The following KLHL33 variants were observed in gnomAD, a reference collection of about 807,000 sequenced individuals.
KLHL33 encodes the protein kelch like family member 33.
Under a neutral mutation model 60.8 loss-of-function variants are expected in KLHL33, and 46 were observed. The observed-to-expected ratio is 0.76, with a 90% CI of 0.60 to 0.97. KLHL33 has a LOEUF of 0.97. Ranked by LOEUF, KLHL33 falls within the 50% of genes least tolerant of loss-of-function variation. The pLI is 0.00. For synonymous variants in KLHL33, 434 were observed against 432.2 expected (o/e 1.00, Z -0.05); for missense variants, 1,055 against 1,000.0 (o/e 1.05, Z -0.74).
At chr14:20,432,986 G>GAAAGAAAGAAAGAAAGAAAGAA (rs1208142467) in intron 2 of KLHL33, among the ~76,000 whole-genome samples, 1 of 151,622 alleles carries the variant, frequency 6.6e-6, no homozygotes, top group Non-Finnish European at 1.5e-5. Flanking sequence ...AAGAAAGAAA[G>GAAAGAAAGAAAGAAAGAAAGAA]AGAGAAATTA....
rs565859378 is a variant in KLHL33 at position 20,429,939 on chromosome 14, C to T, written c.1529G>A (p.Arg510Gln). The T allele has an allele frequency of 4.6e-5, 72 of 1,551,724 alleles. No homozygotes were observed. The East Asian group carries it at 5.6e-4, about 12-fold the overall frequency. The change falls in exon 3 of 5, where the codon CGA (arginine) becomes CAA (glutamine). Residue 510 changes from arginine to glutamine, a missense_variant. Coordinates refer to ENST00000636854, the MANE Select transcript of KLHL33 (RefSeq NM_001365790.2). ...RAFRCGVGLV[R>Q]TVEWGQLPAL... is the part of the protein sequence containing the mutation. ...AGGCAGCTGCCCCCACTCAACAGTT[C>T]GTACCAGTCCCACGCCACAGCGGAA... is the stretch of plus-strand genomic sequence containing the variant.
At position 20,435,447 on chromosome 14, in the gene KLHL33, C is replaced by T. The variant is rs995953672; in HGVS notation, c.365G>A (p.Arg122Gln). The stretch of plus-strand genomic sequence containing the variant: ...GATCACCCGATGCACCCCGTATACC[C>T]GCCCCGCGACTGACACCTCTTCGTC... ...LLDEEVSVAG[R>Q]VYGVHRVILA... is the part of the protein sequence containing the mutation. The change falls in exon 2 of 5, where the codon CGG (arginine) becomes CAG (glutamine). Residue 122 changes from arginine to glutamine, a missense_variant. Coordinates refer to ENST00000636854, the MANE Select transcript of KLHL33 (RefSeq NM_001365790.2). The T allele has an allele frequency of 3.2e-6, 4 of 1,234,340 alleles. No individual in the cohort carries two copies. Among genetic ancestry groups the T allele is most frequent in the Non-Finnish European group, 4.0e-6 (4 of 988,224 alleles). 76.5% of individuals were successfully genotyped at this position (1,234,340 alleles called of 1,614,324 possible). A position where few individuals can be genotyped will look rare whatever the true frequency, so the allele number is the denominator to read the frequency against.
At position 20,435,262 on chromosome 14, in the gene KLHL33, C is replaced by A. The variant is rs1880648945; in HGVS notation, c.550G>T (p.Ala184Ser). The A allele has an allele frequency of 3.2e-6, 4 of 1,234,426 alleles. No individual in the cohort carries two copies. The highest frequency in any genetic ancestry group is 2.1e-4 in the Middle Eastern group (1 of 4,836). The allele number at this position is 1,234,426 out of a possible 1,614,324, so 76.5% of individuals were successfully genotyped here. ...CGGGGCGCTCCCAGCGCCTCTGCTGCGGCCAGCACATCCCCCTGCGAGGCG... is the reference window on the plus strand; with the variant it reads ...CGGGGCGCTCCCAGCGCCTCTGCTGAGGCCAGCACATCCCCCTGCGAGGCG... ...GPASQGDVLA[A>S]AEALGAPRVK... Residue 184 changes from alanine to serine, a missense_variant, in exon 2 of 5, where the codon GCA (alanine) becomes TCA (serine). By Grantham distance (99) the Ala-to-Ser change is moderately conservative (BLOSUM62 1). Coordinates refer to ENST00000636854, the MANE Select transcript of KLHL33 (RefSeq NM_001365790.2).
intron 1 of KLHL33, 70 bp downstream of exon 1, chr14:20,436,029 C>G (rs1880685058): frequency 1.6e-5 from 6 of 386,518 alleles, no homozygotes; most frequent in Non-Finnish European, 2.3e-5. Flanking sequence ...GTGAAACATG[C>G]AAGAAGCCCT....
chr14:20,431,048 C>G (rs1361260372), intron 2 of KLHL33, among the ~76,000 whole-genome samples: 1 of 152,170 alleles, frequency 6.6e-6, no homozygotes, highest in African/African-American at 2.4e-5. Context: ...TCTTTTTGGT[C>G]AGATGAGTCA....
chr14:20,429,419 A>C lies in KLHL33; in HGVS notation c.1842-18T>G. 1 of 1,550,874 alleles carries C rather than the reference A, an allele frequency of 6.4e-7. No individual in the cohort carries two copies. The highest frequency in any genetic ancestry group is 8.7e-7 in the Non-Finnish European group (1 of 1,146,220). ...GTGCTGGCCTAAGGGAGAACAGGACACAAGATAAGGCAACTAGCATCTTCA... is the reference window on the plus strand; with the variant it reads ...GTGCTGGCCTAAGGGAGAACAGGACCCAAGATAAGGCAACTAGCATCTTCA... On this transcript the variant is annotated intron_variant, in intron 4 of 4. Transcript: ENST00000636854.
rs1018457245 is a variant in KLHL33, at chr14:20,427,720, T to A, written c.*1129A>T. 1.3e-5 allele frequency: 2 copies of A among 152,162 alleles called. No individual in the cohort carries two copies. The highest frequency in any genetic ancestry group is 2.9e-5 in the Non-Finnish European group (2 of 68,052). 9.4% of individuals were successfully genotyped at this position (152,162 alleles called of 1,614,324 possible). A position where few individuals can be genotyped will look rare whatever the true frequency, so the allele number is the denominator to read the frequency against. ...GGTCAGGAGCTCTCTGACCTCTGTA[T>A]CTTGGTGCCTCCTACAGTGCCTGCC... On this transcript the variant is annotated 3_prime_UTR_variant, in exon 5 of 5. Coordinates refer to ENST00000636854, the MANE Select transcript of KLHL33 (RefSeq NM_001365790.2).
chr14:20,433,599 C>G (rs1489642842), intron 2 of KLHL33, among the ~76,000 whole-genome samples: 1 of 152,206 alleles, frequency 6.6e-6, no homozygotes, highest in Non-Finnish European at 1.5e-5. Flanking sequence ...GGGCTCACAG[C>G]CACTTGTATT....
In KLHL33 at chr14:20,429,140, G is replaced by A; in HGVS notation, c.2103C>T (p.Ala701=). The change falls in exon 5 of 5, where the codon GCC becomes GCT. Residue 701 remains alanine (A), a synonymous_variant. Transcript: ENST00000636854. ...GETEDLLSFE[A]YELRTDSWTH... Reference sequence around the variant, plus strand: ...TCCAGCTATCAGTCCTTAGTTCATAGGCCTCAAAGCTTAGCAGGTCCTCAG... The same window carrying A: ...TCCAGCTATCAGTCCTTAGTTCATAAGCCTCAAAGCTTAGCAGGTCCTCAG... The A allele has an allele frequency of 6.4e-7, 1 of 1,551,684 alleles. No individual in the cohort carries two copies. Among genetic ancestry groups the A allele is most frequent in the Non-Finnish European group, 8.7e-7 (1 of 1,146,992 alleles).
chr14:20,435,963 T>C, intron 1 of KLHL33, 133 bp from the exon 2 acceptor site: 1 of 543,364 alleles, frequency 1.8e-6, no homozygotes, highest in Non-Finnish European at 2.8e-6. Context: ...CTCAGCCACA[T>C]CCCAGCACTG....
chr14:20,432,814 C>T (rs1450242039), intron 2 of KLHL33, among the ~76,000 whole-genome samples: 6 of 151,614 alleles, frequency 4.0e-5, no homozygotes, highest in Admixed American at 2.0e-4. Flanking sequence ...CCCAGTTACT[C>T]GGGAGGCTGA....
At chr14:20,436,076 A>C (rs1334196970) in intron 1 of KLHL33, 23 bp downstream of exon 1, 1 of 313,622 alleles carries the variant, frequency 3.2e-6, no homozygotes, top group Non-Finnish European at 5.8e-6. Flanking sequence ...CCCCTCCCCT[A>C]TTGCCCCCAT....
In KLHL33 at chr14:20,429,378, G is replaced by T; in HGVS notation, c.1865C>A (p.Pro622Gln). 6.4e-7 allele frequency: 1 copy of T among 1,551,746 alleles called. No homozygotes were observed. The highest frequency in any genetic ancestry group is 8.7e-7 in the Non-Finnish European group (1 of 1,146,976). ...VWRPAPALPA[P>Q]CFAHAAAILE... is the part of the protein sequence containing the mutation. The stretch of plus-strand genomic sequence containing the variant: ...AATCGCAGCTGCGTGGGCAAAACAT[G>T]GTGCTGGAAGTGCAGGTGCTGGCCT... Residue 622 changes from proline (P) to glutamine (Q), a missense_variant, in exon 5 of 5, where the codon CCA becomes CAA. Coordinates refer to ENST00000636854, the MANE Select transcript of KLHL33 (RefSeq NM_001365790.2).
rs1880322911 is a variant in KLHL33 at position 20,427,406 on chromosome 14, G to C, written c.*1443C>G. 6.6e-6 allele frequency: 1 copy of C among 152,122 alleles called. No homozygotes were observed. The allele number at this position is 152,122 out of a possible 1,614,324, so 9.4% of individuals were successfully genotyped here. ...CCAGAGAAGAGAGTAGGTGGCAAGA[G>C]CAGCAGAATTATCTGAAAAGCCTCT... is the stretch of plus-strand genomic sequence containing the variant. On this transcript the variant is annotated 3_prime_UTR_variant, in exon 5 of 5. Transcript: ENST00000636854.
In KLHL33 at chr14:20,428,086, T is replaced by C. The variant is rs1713450; in HGVS notation, c.*763A>G. On this transcript the variant is annotated 3_prime_UTR_variant, in exon 5 of 5. Transcript: ENST00000636854. The stretch of plus-strand genomic sequence containing the variant: ...TTCTGACTTCTTCCACCCCATCTCC[T>C]TAAACCTCAGATCATCTGTTTTTCC... 66,204 of 151,942 alleles carry C rather than the reference T, an allele frequency of 0.44. 15,588 individuals are homozygous for C. Among genetic ancestry groups the C allele is most frequent in the African/African-American group, 0.61 (25,314 of 41,388 alleles). 9.4% of individuals were successfully genotyped at this position (151,942 alleles called of 1,614,324 possible).
At chr14:20,436,013 G>A (rs868380491) in intron 1 of KLHL33, 86 bp downstream of exon 1, 9 of 405,208 alleles carry the variant, frequency 2.2e-5, no homozygotes, top group African/African-American at 1.2e-4. Context: ...GGGTGCACGC[G>A]GTGCAGTGAA....
chr14:20,432,617 C>T (rs1301652919), intron 2 of KLHL33, among the ~76,000 whole-genome samples: 2 of 151,978 alleles, frequency 1.3e-5, no homozygotes, highest in African/African-American at 4.8e-5. Context: ...TAAATGTGGA[C>T]TAGGTGATAT....
Position 20,429,987 on chromosome 14 carries a change from C to T in KLHL33, c.1481G>A (p.Arg494Gln), listed in dbSNP as rs369825651. Residue 494 changes from arginine (R) to glutamine (Q), a missense_variant, in exon 3 of 5, where the codon CGA (arginine) becomes CAA (glutamine). Physicochemically the swap from Arg to Gln is conservative, Grantham distance 43. Transcript: ENST00000636854. ...RPDMALRQPS[R>Q]AVWWARAFRC... Reference sequence around the variant, plus strand: ...GAAGGCCCGGGCCCACCACACTGCTCGGGATGGTTGTCTTAGGGCCATGTC... The same window carrying T: ...GAAGGCCCGGGCCCACCACACTGCTTGGGATGGTTGTCTTAGGGCCATGTC... 327 of 1,551,680 alleles carry T rather than the reference C, an allele frequency of 2.1e-4. No individual in the cohort carries two copies. The highest frequency in any genetic ancestry group is 2.7e-4 in the Non-Finnish European group (306 of 1,146,988).
At position 20,435,544 on chromosome 14, in the gene KLHL33, G is replaced by T; in HGVS notation, c.268C>A (p.Leu90Met). ...TGGCTCGGATGCTCCTCGCTGCGCA[G>T]CCACTCGGGCTCTGCCGCATCTTCA... ...EDEDAAEPEW[L>M]RSEEHPSQFF... Residue 90 changes from leucine (L) to methionine (M), a missense_variant, in exon 2 of 5, where the codon CTG becomes ATG. By Grantham distance (15) the Leu-to-Met change is conservative. Coordinates refer to ENST00000636854, the MANE Select transcript of KLHL33 (RefSeq NM_001365790.2). The T allele has an allele frequency of 8.1e-7, 1 of 1,234,762 alleles. No homozygotes were observed. Among genetic ancestry groups the T allele is most frequent in the Non-Finnish European group, 1.0e-6 (1 of 988,454 alleles). The allele number at this position is 1,234,762 out of a possible 1,614,324, so 76.5% of individuals were successfully genotyped here.
Sources: allele counts gnomAD v4.1 joint callset (sites outside exome capture counted in the v4.1 genomes callset), GRCh38; gene constraint gnomAD v4.1.1; transcripts MANE v1.5; gene names NCBI Gene and HGNC (gene_info 2026-07-23, HGNC 2026-07-21).